The following MDFIC2 variants were observed in gnomAD, a reference collection of about 807,000 sequenced individuals.
The protein encoded by MDFIC2 is myoD family inhibitor domain-containing protein 2.
rs1234596437 is a variant in MDFIC2 at position 70,197,118 on chromosome 3, G to T, written c.378C>A (p.Pro126=). 1.5e-5 allele frequency: 6 copies of T among 398,428 alleles called. No homozygotes were observed. Among genetic ancestry groups the T allele is most frequent in the Non-Finnish European group, 2.2e-5 (5 of 226,074 alleles). The allele number at this position is 398,428 out of a possible 1,614,324, so 24.7% of individuals were successfully genotyped here. ...CQFWDCLLML[P]GTCETVCTKM... ...TGGTACACACCGTTTCGCAGGTGCC[G>T]GGGAGCATCAGGAGACAGTCCCAAA... Residue 126 remains proline, a synonymous_variant, in exon 4 of 4, where the codon CCC becomes CCA. Transcript: ENST00000567252.
At chr3:70,285,523 T>C (rs1037239785) in intron 2 of MDFIC2, among the ~76,000 whole-genome samples, 91 of 152,158 alleles carry the variant, frequency 6.0e-4, no homozygotes, top group African/African-American at 2.0e-3. Context: ...AAAATACGTG[T>C]GCATGTGTCT....
intron 2 of MDFIC2, among the ~76,000 whole-genome samples, chr3:70,209,589 C>A (rs1036133466): frequency 6.6e-6 from 1 of 152,076 alleles, no homozygotes; most frequent in Non-Finnish European, 1.5e-5. Context: ...GGTAAATTGT[C>A]CAAGGCCTCC....
At chr3:70,279,474 G>C (rs1332505872) in intron 2 of MDFIC2, among the ~76,000 whole-genome samples, 1 of 151,942 alleles carries the variant, frequency 6.6e-6, no homozygotes, top group Non-Finnish European at 1.5e-5. Flanking sequence ...TTCATCCCCT[G>C]TACCACACAC....
chr3:70,235,088 G>C (rs960773350), intron 2 of MDFIC2, among the ~76,000 whole-genome samples: 1 of 152,134 alleles, frequency 6.6e-6, no homozygotes, highest in Non-Finnish European at 1.5e-5. Flanking sequence ...GAATGTCCTT[G>C]TTCCTTTATG....
At chr3:70,234,298 A>G (rs1701588223) in intron 2 of MDFIC2, among the ~76,000 whole-genome samples, 1 of 152,224 alleles carries the variant, frequency 6.6e-6, no homozygotes. Flanking sequence ...TTGAACATCT[A>G]CTATATGCTA....
chr3:70,207,248 C>A (rs182208277), intron 2 of MDFIC2, among the ~76,000 whole-genome samples: 38 of 152,030 alleles, frequency 2.5e-4, no homozygotes, highest in African/African-American at 7.0e-4. Flanking sequence ...CCTCATTTTC[C>A]TCCTCTGTAA....
intron 2 of MDFIC2, among the ~76,000 whole-genome samples, chr3:70,225,589 C>T (rs1458137969): frequency 6.6e-6 from 1 of 150,774 alleles, no homozygotes; most frequent in African/African-American, 2.4e-5. Context: ...ATCCTTTTCT[C>T]TGTAAAAGTG....
At chr3:70,284,981 T>A (rs1335228979) in intron 2 of MDFIC2, among the ~76,000 whole-genome samples, 1 of 152,166 alleles carries the variant, frequency 6.6e-6, no homozygotes, top group Non-Finnish European at 1.5e-5. Context: ...GTTACATGGG[T>A]TAAACTTAAA....
chr3:70,205,444 A>G (rs1701280535), intron 3 of MDFIC2: 1 of 152,172 alleles, frequency 6.6e-6, no homozygotes, highest in African/African-American at 2.4e-5. Flanking sequence ...CACCACATAC[A>G]TAATATATGA....
At chr3:70,269,116 A>T (rs1701951326) in intron 2 of MDFIC2, among the ~76,000 whole-genome samples, 1 of 152,206 alleles carries the variant, frequency 6.6e-6, no homozygotes, top group South Asian at 2.1e-4. Context: ...GAGTGGAATA[A>T]TAATATTTAC....
chr3:70,213,292 A>T (rs1203982401), intron 2 of MDFIC2, among the ~76,000 whole-genome samples: 4 of 152,126 alleles, frequency 2.6e-5, no homozygotes, highest in African/African-American at 9.7e-5. Flanking sequence ...GCCTGTGGAA[A>T]CAGGTAGCTT....
At chr3:70,253,719 A>C (rs1323975002) in intron 2 of MDFIC2, among the ~76,000 whole-genome samples, 3 of 152,106 alleles carry the variant, frequency 2.0e-5, no homozygotes. Flanking sequence ...CAAAACCCCA[A>C]CTCTAAAAAA....
intron 2 of MDFIC2, among the ~76,000 whole-genome samples, chr3:70,242,224 C>A (rs1241252838): frequency 6.6e-6 from 1 of 152,138 alleles, no homozygotes; most frequent in East Asian, 1.9e-4. Context: ...TATGACACAT[C>A]ATTTCATTCA....
At chr3:70,290,091 C>G (rs199980594) in intron 2 of MDFIC2, among the ~76,000 whole-genome samples, 3 of 152,124 alleles carry the variant, frequency 2.0e-5, no homozygotes, top group Non-Finnish European at 4.4e-5. Context: ...AGCTTTGTTC[C>G]GTTGCTGGTG....
chr3:70,306,099 G>GTTTA (rs771838641), intron 2 of MDFIC2, among the ~76,000 whole-genome samples: 7 of 152,104 alleles, frequency 4.6e-5, no homozygotes, highest in African/African-American at 1.2e-4. Context: ...AAATAATGGA[G>GTTTA]TTTATTTATT....
chr3:70,275,513 T>A (rs1702015649), intron 2 of MDFIC2, among the ~76,000 whole-genome samples: 1 of 151,980 alleles, frequency 6.6e-6, no homozygotes, highest in Non-Finnish European at 1.5e-5. Context: ...CAAGACCCTG[T>A]CTCAAAAAAT....
chr3:70,279,198 A>G (rs1702056848), intron 2 of MDFIC2, among the ~76,000 whole-genome samples: 1 of 151,738 alleles, frequency 6.6e-6, no homozygotes, highest in South Asian at 2.1e-4. Flanking sequence ...GCACTGTGAT[A>G]AATGCTTTGC....
chr3:70,247,052 T>A (rs903721851), intron 2 of MDFIC2, among the ~76,000 whole-genome samples: 1 of 152,024 alleles, frequency 6.6e-6, no homozygotes, highest in East Asian at 1.9e-4. Flanking sequence ...TAGTTATTTT[T>A]TTTTCTTTAG....
intron 2 of MDFIC2, among the ~76,000 whole-genome samples, chr3:70,278,700 C>A (rs935945816): frequency 7.9e-5 from 12 of 152,196 alleles, no homozygotes; most frequent in Middle Eastern, 3.4e-3. Context: ...GCATATCCAA[C>A]CTGGTTGGAA....
Sources: gnomAD v4.1 joint callset for allele counts (sites outside exome capture counted in the v4.1 genomes callset) on GRCh38, gnomAD v4.1.1 for gene constraint, MANE v1.5 for transcripts, NCBI Gene and HGNC (gene_info 2026-07-23, HGNC 2026-07-21) for gene names.